LEKR1: variants seen among roughly 807,000 people sequenced by gnomAD.
The protein encoded by LEKR1 is protein LEKR1.
Under a neutral mutation model 72.4 loss-of-function variants are expected in LEKR1, and 59 were observed. The observed-to-expected ratio is 0.82, with a 90% CI of 0.66 to 1.01. The LOEUF is 1.01. Ranked by LOEUF, LEKR1 falls within the 50% of genes least tolerant of loss-of-function variation. LEKR1 has a pLI of 0.00. For synonymous variants in LEKR1, 257 were observed against 263.2 expected (o/e 0.98, Z 0.23); for missense variants, 728 against 759.2 (o/e 0.96, Z 0.48).
At chr3:156,884,282 T>G (rs912015502) in intron 3 of LEKR1, among the ~76,000 whole-genome samples, 5 of 152,188 alleles carry the variant, frequency 3.3e-5, no homozygotes, top group African/African-American at 1.2e-4. Flanking sequence ...AACATTAGTA[T>G]TGAGATGTGA....
chr3:156,948,128 A>G (rs1364093776), intron 6 of LEKR1, among the ~76,000 whole-genome samples: 2 of 151,160 alleles, frequency 1.3e-5, no homozygotes, highest in East Asian at 3.9e-4. Flanking sequence ...TCTTTTGAAT[A>G]TTGTAAGTCT....
intron 2 of LEKR1, among the ~76,000 whole-genome samples, chr3:156,835,774 C>T (rs1713032567): frequency 6.6e-6 from 1 of 151,396 alleles, no homozygotes; most frequent in South Asian, 2.1e-4. Flanking sequence ...TAAAGCCTCT[C>T]TCATAAAGCG....
intron 5 of LEKR1, among the ~76,000 whole-genome samples, chr3:156,931,511 T>C (rs1480423964): frequency 6.6e-6 from 1 of 152,174 alleles, no homozygotes; most frequent in Non-Finnish European, 1.5e-5. Context: ...CCAAGGAATG[T>C]GAAAATGTAC....
chr3:156,983,826 A>C (rs1031653295), intron 7 of LEKR1, among the ~76,000 whole-genome samples: 2 of 152,148 alleles, frequency 1.3e-5, no homozygotes, highest in Non-Finnish European at 2.9e-5. Context: ...AAAAACAATC[A>C]GGGCAAAAAT....
At position 156,912,725 on chromosome 3, in the gene LEKR1, C is replaced by T. The variant is rs543346659; in HGVS notation, c.264-7850C>T. ...TAATTGGCAGACTTTCATGAGGTTC[C>T]CTTTTTATATAGAATCAGGCGTGGC... On this transcript the variant is annotated intron_variant, in intron 3 of 12. Coordinates refer to ENST00000356539, the MANE Select transcript of LEKR1 (RefSeq NM_001004316.3). 3.3e-5 allele frequency among the ~76,000 whole-genome samples: 5 copies of T among 152,312 alleles called. No homozygotes were observed. In the East Asian group the frequency reaches 9.6e-4, roughly 29 times the overall value.
At chr3:156,919,896 A>G (rs1374379943) in intron 3 of LEKR1, among the ~76,000 whole-genome samples, 1 of 152,144 alleles carries the variant, frequency 6.6e-6, no homozygotes, top group Non-Finnish European at 1.5e-5. Flanking sequence ...CTAAGTTTTC[A>G]TTCATTCATT....
chr3:156,832,917 A>G (rs1355231465), intron 2 of LEKR1, among the ~76,000 whole-genome samples: 2 of 152,226 alleles, frequency 1.3e-5, no homozygotes, highest in African/African-American at 2.4e-5. Context: ...AAAACAAAGC[A>G]AAACAAAAAA....
chr3:156,899,904 A>G (rs1476914819), intron 3 of LEKR1, among the ~76,000 whole-genome samples: 1 of 152,010 alleles, frequency 6.6e-6, no homozygotes, highest in African/African-American at 2.4e-5. Context: ...AATTTATTCT[A>G]AAGAATTCCT....
chr3:157,004,233 A>T (rs1177221403), intron 9 of LEKR1, among the ~76,000 whole-genome samples: 1 of 152,180 alleles, frequency 6.6e-6, no homozygotes, highest in Non-Finnish European at 1.5e-5. Context: ...GAAGTAAAGA[A>T]GTTCATTTTA....
intron 6 of LEKR1, among the ~76,000 whole-genome samples, chr3:156,974,769 G>T (rs1349191192): frequency 6.6e-6 from 1 of 152,042 alleles, no homozygotes; most frequent in Non-Finnish European, 1.5e-5. Flanking sequence ...AATACAACAT[G>T]TATGTGTTCC....
chr3:156,945,437 A>G (rs1427089880), intron 6 of LEKR1, among the ~76,000 whole-genome samples: 1 of 151,424 alleles, frequency 6.6e-6, no homozygotes, highest in Admixed American at 6.6e-5. Flanking sequence ...TGATCCCTGC[A>G]GAATGTTTTT....
Position 156,917,516 on chromosome 3 carries a change from G to A in LEKR1, c.264-3059G>A, listed in dbSNP as rs568350236. Among the ~76,000 whole-genome samples the A allele has an allele frequency of 5.5e-4, 83 of 152,090 alleles. 1 individual carries two copies. In the South Asian group the frequency reaches 0.017, roughly 31 times the overall value. ...TCTGAAGCAGGGGGAAGGGTGGGGGGCCCACCATATATCACACAAAGAAAT... is the reference window on the plus strand; with the variant it reads ...TCTGAAGCAGGGGGAAGGGTGGGGGACCCACCATATATCACACAAAGAAAT... On this transcript the variant is annotated intron_variant, in intron 3 of 12. Transcript: ENST00000356539.
chr3:156,954,436 C>T (rs183852573), intron 6 of LEKR1, among the ~76,000 whole-genome samples: 29 of 152,090 alleles, frequency 1.9e-4, no homozygotes. Flanking sequence ...TCTGCCTGTA[C>T]CTACGTCCTG....
At chr3:156,854,372 C>T (rs1715772338) in intron 3 of LEKR1, among the ~76,000 whole-genome samples, 1 of 151,810 alleles carries the variant, frequency 6.6e-6, no homozygotes, top group South Asian at 2.1e-4. Flanking sequence ...TCTCAAACTC[C>T]TAACCTCAGG....
At chr3:156,830,184 T>G (rs1712195601) in intron 2 of LEKR1, among the ~76,000 whole-genome samples, 1 of 152,216 alleles carries the variant, frequency 6.6e-6, no homozygotes, top group African/African-American at 2.4e-5. Flanking sequence ...CCTGTTGCTT[T>G]TGCAGTGAGC....
chr3:156,910,972 C>T (rs1466757189), intron 3 of LEKR1, among the ~76,000 whole-genome samples: 1 of 152,128 alleles, frequency 6.6e-6, no homozygotes, highest in East Asian at 1.9e-4. Context: ...TAAGCATTCC[C>T]TTTCCTCTGC....
intron 4 of LEKR1, chr3:156,925,006 A>C (rs1724572664): frequency 6.6e-6 from 1 of 152,312 alleles, no homozygotes; most frequent in Non-Finnish European, 1.5e-5. Flanking sequence ...TATAGTATTG[A>C]ATCTATAGAT....
chr3:156,850,136 C>G (rs1346915761), intron 2 of LEKR1, among the ~76,000 whole-genome samples: 3 of 151,908 alleles, frequency 2.0e-5, no homozygotes, highest in Non-Finnish European at 4.4e-5. Context: ...GACATTTATG[C>G]AGCCAAAAAA....
At chr3:156,865,363 T>C (rs1717188008) in intron 3 of LEKR1, among the ~76,000 whole-genome samples, 1 of 152,034 alleles carries the variant, frequency 6.6e-6, no homozygotes, top group Admixed American at 6.6e-5. Context: ...GTCATGGAGT[T>C]ACTCTGAGTA....
Sources: allele counts gnomAD v4.1 joint callset (sites outside exome capture counted in the v4.1 genomes callset), GRCh38; gene constraint gnomAD v4.1.1; transcripts MANE v1.5; gene names NCBI Gene and HGNC (gene_info 2026-07-23, HGNC 2026-07-21).